Variants in SLMAP observed in about 807,000 individuals in gnomAD.
SLMAP encodes the protein sarcolemmal membrane-associated protein.
In SLMAP, 44 loss-of-function variants were observed where a neutral mutation model predicts 128.8. The observed-to-expected ratio is 0.34, with a 90% CI of 0.27 to 0.44. The LOEUF (loss-of-function observed/expected upper bound fraction) is 0.44. Among genes scored for constraint, SLMAP ranks in the 20% least tolerant of loss-of-function variants. The pLI is 1.00. For synonymous variants in SLMAP, 327 were observed against 348.8 expected (o/e 0.94, Z 0.70); for missense variants, 787 against 985.3 (o/e 0.80, Z 2.69).
chr3:57,869,082 A>G (rs2095405173), intron 13 of SLMAP, among the ~76,000 whole-genome samples: 1 of 142,902 alleles, frequency 7.0e-6, no homozygotes, highest in Non-Finnish European at 1.5e-5. Context: ...TTTATTAAGT[A>G]TTAACTCACA....
At chr3:57,813,785 T>C (rs2091419522) in intron 2 of SLMAP, among the ~76,000 whole-genome samples, 1 of 152,196 alleles carries the variant, frequency 6.6e-6, no homozygotes, top group South Asian at 2.1e-4. Flanking sequence ...CCATGGATAC[T>C]GAGACATGAT....
chr3:57,776,457 T>C (rs1026309351), intron 2 of SLMAP, among the ~76,000 whole-genome samples: 2 of 152,078 alleles, frequency 1.3e-5, no homozygotes, highest in African/African-American at 4.8e-5. Context: ...CGTTTAATGC[T>C]TTCTTTGTGA....
intron 2 of SLMAP, among the ~76,000 whole-genome samples, chr3:57,775,896 A>G (rs1162508200): frequency 6.6e-6 from 1 of 152,086 alleles, no homozygotes; most frequent in Non-Finnish European, 1.5e-5. Flanking sequence ...ATGGCGTTTT[A>G]CCATGTTGGC....
Position 57,849,808 on chromosome 3 carries a change from T to C in SLMAP, c.511T>C (p.Tyr171His). Residue 171 changes from tyrosine (Y) to histidine (H), a missense_variant, in exon 6 of 25, where the codon TAT becomes CAT. By Grantham distance (83) the Tyr-to-His change is moderately conservative. Transcript: ENST00000671191. Reference sequence around the variant, plus strand: ...TCAGGAACTATTCCAGCTTTCTCAGTATCTACAGGTAAAAGTACATCTTGA... The same window carrying C: ...TCAGGAACTATTCCAGCTTTCTCAGCATCTACAGGTAAAAGTACATCTTGA... ...YSQELFQLSQ[Y>H]LQEALHREQM... 6.6e-7 allele frequency: 1 copy of C among 1,523,650 alleles called. No homozygotes were observed. Among genetic ancestry groups the C allele is most frequent in the Non-Finnish European group, 9.1e-7 (1 of 1,097,478 alleles). 94.4% of individuals were successfully genotyped at this position (1,523,650 alleles called of 1,614,324 possible).
intron 2 of SLMAP, among the ~76,000 whole-genome samples, chr3:57,766,000 CTTT>C (rs769246826): frequency 2.9e-5 from 4 of 135,914 alleles, no homozygotes; most frequent in African/African-American, 2.7e-5. Context: ...GATTTTCTTT[CTTT>C]TTTTTTTTTT....
intron 16 of SLMAP, 124 bp downstream of exon 16, chr3:57,896,715 GTCATCCCCTTTGAATGCTGGATATT>G: frequency 8.0e-7 from 1 of 1,255,202 alleles, no homozygotes; most frequent in East Asian, 2.4e-5. Context: ...CATTTATCAA[GTCATCCCCTTTGAATGCTGGATATT>G]TTGTTAAAAC....
chr3:57,865,435 GCTTTC>G (rs2095271495), intron 13 of SLMAP, 143 bp downstream of exon 13: 1 of 431,280 alleles, frequency 2.3e-6, no homozygotes, highest in South Asian at 6.4e-5. Context: ...TAAAAATCAA[GCTTTC>G]CTTTATTTTG....
At chr3:57,810,293 C>A (rs1317099902) in intron 2 of SLMAP, among the ~76,000 whole-genome samples, 1 of 152,224 alleles carries the variant, frequency 6.6e-6, no homozygotes, top group Non-Finnish European at 1.5e-5. Flanking sequence ...CCCCTTGCCA[C>A]TCCATGCCTG....
chr3:57,852,740 G>T lies in SLMAP; in HGVS notation c.519+2924G>T, dbSNP rs560247661. 7.6e-4 allele frequency among the ~76,000 whole-genome samples: 115 copies of T among 152,240 alleles called. 1 individual carries two copies. The highest frequency in any genetic ancestry group is 2.3e-3 in the African/African-American group (95 of 41,528). ...GGGGCTCATATAGGTTAAATTATTT[G>T]CCCAGGCATGTATACTACTGTTACT... On this transcript the variant is annotated intron_variant, in intron 6 of 24. Transcript: ENST00000671191.
intron 2 of SLMAP, among the ~76,000 whole-genome samples, chr3:57,776,438 A>G (rs1247512619): frequency 6.6e-6 from 1 of 151,976 alleles, no homozygotes; most frequent in Admixed American, 6.5e-5. Flanking sequence ...GATAGATCAA[A>G]TAAGTGATCG....
At chr3:57,888,126 A>G (rs560008850) in intron 14 of SLMAP, among the ~76,000 whole-genome samples, 162 of 152,242 alleles carry the variant, frequency 1.1e-3, no homozygotes, top group African/African-American at 3.8e-3. Context: ...GGGATATATG[A>G]TGTGATAAAT....
chr3:57,882,107 T>C (rs765712984), intron 14 of SLMAP, among the ~76,000 whole-genome samples: 16 of 152,188 alleles, frequency 1.1e-4, no homozygotes, highest in Non-Finnish European at 2.2e-4. Flanking sequence ...ATCCTTTTTT[T>C]AGGATGAGGA....
At chr3:57,856,283 C>G (rs1355051023) in intron 6 of SLMAP, among the ~76,000 whole-genome samples, 1 of 152,094 alleles carries the variant, frequency 6.6e-6, no homozygotes, top group Non-Finnish European at 1.5e-5. Flanking sequence ...CTTGCTGTAA[C>G]TTTTTTACTT....
intron 14 of SLMAP, among the ~76,000 whole-genome samples, chr3:57,884,571 G>T (rs981577720): frequency 6.6e-6 from 1 of 152,112 alleles, no homozygotes; most frequent in Admixed American, 6.5e-5. Flanking sequence ...AATTTGGGAG[G>T]CCAAGGTGGG....
intron 6 of SLMAP, among the ~76,000 whole-genome samples, chr3:57,850,386 T>C (rs1560233425): frequency 6.6e-6 from 1 of 152,130 alleles, no homozygotes; most frequent in African/African-American, 2.4e-5. Context: ...TTTGTTCAAG[T>C]ATGAGGAGGT....
chr3:57,860,787 G>A lies in SLMAP; in HGVS notation c.776G>A (p.Arg259Lys), dbSNP rs2153599158. The A allele has an allele frequency of 6.3e-7, 1 of 1,598,034 alleles. No homozygotes were observed. Among genetic ancestry groups the A allele is most frequent in the Non-Finnish European group, 8.5e-7 (1 of 1,175,838 alleles). The change falls in exon 9 of 25, where the codon AGG (arginine) becomes AAG (lysine). Residue 259 changes from arginine (R) to lysine (K), a missense_variant. Coordinates refer to ENST00000671191, the MANE Select transcript of SLMAP (RefSeq NM_001377540.1). ...GAGACAACAGCCAAAGAGTCCCTGA[G>A]GCGGGTTCTTCAGGAGAAAATTGAA... ...NYETTAKESLRRVLQEKIEVV... is the reference protein window; with the variant it reads ...NYETTAKESLKRVLQEKIEVV...
At chr3:57,761,367 T>C (rs899684760) in intron 2 of SLMAP, among the ~76,000 whole-genome samples, 9 of 152,116 alleles carry the variant, frequency 5.9e-5, no homozygotes, top group African/African-American at 1.9e-4. Context: ...CGATCTCAGC[T>C]CACTGCAACC....
chr3:57,822,519 A>G (rs2092605358), intron 2 of SLMAP, among the ~76,000 whole-genome samples: 1 of 152,180 alleles, frequency 6.6e-6, no homozygotes, highest in Non-Finnish European at 1.5e-5. Context: ...CATTTGCAGC[A>G]TCCAAGGGAG....
intron 2 of SLMAP, among the ~76,000 whole-genome samples, chr3:57,766,192 AT>A (rs1170161667): frequency 4.4e-5 from 3 of 67,600 alleles, no homozygotes; most frequent in African/African-American, 1.8e-4. Context: ...TTTTTTTTGT[AT>A]TTTTAGTAGA....
Sources: gnomAD v4.1 joint callset for allele counts (sites outside exome capture counted in the v4.1 genomes callset) on GRCh38, gnomAD v4.1.1 for gene constraint, MANE v1.5 for transcripts, NCBI Gene and HGNC (gene_info 2026-07-23, HGNC 2026-07-21) for gene names.